Variants in RBFOX1 observed in about 807,000 individuals in gnomAD.
RBFOX1 encodes the protein RNA binding fox-1 homolog 1, also known as RNA binding protein fox-1 homolog 1.
In RBFOX1, 8 loss-of-function variants were observed where a neutral mutation model predicts 57.7. That is an observed-to-expected ratio of 0.14 (90% CI 0.08 to 0.25). RBFOX1 has a LOEUF of 0.25. RBFOX1 is among the 10% of genes least tolerant of loss of function. RBFOX1 has a pLI of 1.00. For missense variants in RBFOX1, 611 were observed against 548.5 expected (o/e 1.11, Z -1.14); for synonymous variants, 326 against 222.4 (o/e 1.47, Z -4.15).
intron 2 of RBFOX1, among the ~76,000 whole-genome samples, chr16:6,621,471 A>G (rs1300720159): frequency 3.2e-5 from 4 of 125,680 alleles, no homozygotes. Flanking sequence ...CTCAAAACAA[A>G]CAAACAACAA....
intron 1 of RBFOX1, among the ~76,000 whole-genome samples, chr16:5,316,594 T>C (rs1398203092): frequency 6.6e-6 from 1 of 152,258 alleles, no homozygotes. Flanking sequence ...GAGCCTCATT[T>C]TTCTCATCTG....
chr16:5,393,200 G>A (rs1248560139), intron 1 of RBFOX1, among the ~76,000 whole-genome samples: 1 of 152,056 alleles, frequency 6.6e-6, no homozygotes, highest in African/African-American at 2.4e-5. Context: ...CATCACGGCT[G>A]GGCTGTGGCT....
intron 3 of RBFOX1, among the ~76,000 whole-genome samples, chr16:5,803,594 A>G (rs975511303): frequency 3.9e-5 from 6 of 152,214 alleles, no homozygotes; most frequent in Admixed American, 6.5e-5. Context: ...CACAAAGCAC[A>G]CTTTGTTGGG....
chr16:7,410,028 G>C (rs1410731486), intron 4 of RBFOX1, among the ~76,000 whole-genome samples: 1 of 152,072 alleles, frequency 6.6e-6, no homozygotes, highest in East Asian at 1.9e-4. Context: ...GGTCCCTTCA[G>C]CTGCAATTAA....
In RBFOX1 at chr16:5,698,079, A is replaced by G. The variant is rs117194089; in HGVS notation, c.318+99118A>G. ...TGAATCGTTATTGGATTTTTGGACT[A>G]AACATTATTTTATCATGATGTATTA... On this transcript the variant is annotated intron_variant, in intron 3 of 19. Transcript: ENST00000641259. 9.3e-4 allele frequency among the ~76,000 whole-genome samples: 141 copies of G among 152,304 alleles called. 3 individuals carry two copies. In the East Asian group the frequency reaches 0.023, roughly 24 times the overall value.
intron 1 of RBFOX1, among the ~76,000 whole-genome samples, chr16:6,131,526 A>G (rs75423042): frequency 0.043 from 6,555 of 152,310 alleles, 264 homozygotes; most frequent in East Asian, 0.21. Context: ...GATCCAGAAC[A>G]TCTGGAACAG....
At chr16:6,472,425 C>T (rs2095197830) in intron 2 of RBFOX1, among the ~76,000 whole-genome samples, 1 of 152,110 alleles carries the variant, frequency 6.6e-6, no homozygotes, top group Non-Finnish European at 1.5e-5. Flanking sequence ...AGATGTTGAC[C>T]CTATTTCTGC....
intron 3 of RBFOX1, among the ~76,000 whole-genome samples, chr16:6,958,712 TGTTA>T (rs753530717): frequency 6.6e-6 from 1 of 152,196 alleles, no homozygotes; most frequent in African/African-American, 2.4e-5. Flanking sequence ...TCCCTCTTCA[TGTTA>T]GTTTTATGCC....
intron 3 of RBFOX1, among the ~76,000 whole-genome samples, chr16:5,655,922 T>A (rs1374384305): frequency 6.6e-6 from 1 of 152,238 alleles, no homozygotes; most frequent in African/African-American, 2.4e-5. Flanking sequence ...ATCTCCTGCA[T>A]GTCTCTAGAT....
intron 3 of RBFOX1, among the ~76,000 whole-genome samples, chr16:5,662,042 T>C (rs907913122): frequency 6.6e-6 from 1 of 152,200 alleles, no homozygotes; most frequent in Non-Finnish European, 1.5e-5. Flanking sequence ...CACCTCGGCC[T>C]CCCAAAGTGC....
intron 2 of RBFOX1, among the ~76,000 whole-genome samples, chr16:6,538,218 T>C (rs1413458570): frequency 2.6e-5 from 4 of 152,182 alleles, no homozygotes; most frequent in Admixed American, 2.0e-4. Context: ...AGGCCAGGCA[T>C]GGAGGCTCAT....
intron 2 of RBFOX1, among the ~76,000 whole-genome samples, chr16:6,504,413 G>T (rs1360168567): frequency 6.6e-6 from 1 of 152,186 alleles, no homozygotes; most frequent in Admixed American, 6.5e-5. Flanking sequence ...GCTGGCACTG[G>T]TGTATGCTTC....
At chr16:6,814,973 C>T (rs764491444) in intron 3 of RBFOX1, among the ~76,000 whole-genome samples, 1 of 152,272 alleles carries the variant, frequency 6.6e-6, no homozygotes, top group African/African-American at 2.4e-5. Context: ...ACAGGCAGAG[C>T]AGTGGTATGG....
intron 1 of RBFOX1, among the ~76,000 whole-genome samples, chr16:5,410,406 G>T (rs1413856215): frequency 1.3e-5 from 2 of 151,986 alleles, no homozygotes; most frequent in Non-Finnish European, 2.9e-5. Context: ...CATTGTGCAT[G>T]TCTCTTGTTG....
chr16:7,171,311 T>C (rs2152456967), intron 4 of RBFOX1, among the ~76,000 whole-genome samples: 1 of 152,320 alleles, frequency 6.6e-6, no homozygotes, highest in East Asian at 1.9e-4. Context: ...AGTGTCATTG[T>C]ACATCCCAAT....
intron 3 of RBFOX1, among the ~76,000 whole-genome samples, chr16:6,969,155 T>A (rs2084953739): frequency 6.6e-6 from 1 of 152,152 alleles, no homozygotes; most frequent in Non-Finnish European, 1.5e-5. Context: ...TAGCTGTCTG[T>A]CCCCAAAATA....
At chr16:7,501,666 A>G (rs2070919259) in intron 4 of RBFOX1, among the ~76,000 whole-genome samples, 1 of 152,214 alleles carries the variant, frequency 6.6e-6, no homozygotes, top group Non-Finnish European at 1.5e-5. Context: ...AACATTTAGC[A>G]TTACAATTGG....
chr16:6,802,760 G>C (rs1006891955), intron 3 of RBFOX1, among the ~76,000 whole-genome samples: 2 of 152,194 alleles, frequency 1.3e-5, no homozygotes, highest in South Asian at 2.1e-4. Flanking sequence ...CCACGTTGTT[G>C]TAAGAATCTG....
chr16:6,709,504 G>A (rs2063356116), intron 3 of RBFOX1, among the ~76,000 whole-genome samples: 1 of 152,162 alleles, frequency 6.6e-6, no homozygotes, highest in Non-Finnish European at 1.5e-5. Flanking sequence ...ACCTACTGTT[G>A]CAGCAGCATT....
Sources: allele counts gnomAD v4.1 joint callset (sites outside exome capture counted in the v4.1 genomes callset), GRCh38; gene constraint gnomAD v4.1.1; transcripts MANE v1.5; gene names NCBI Gene and HGNC (gene_info 2026-07-23, HGNC 2026-07-21).